The following PARVA variants were observed in gnomAD, a reference collection of about 807,000 sequenced individuals.
The protein encoded by PARVA is alpha-parvin.
Under a neutral mutation model 52.6 loss-of-function variants are expected in PARVA, and 25 were observed. That is an observed-to-expected ratio of 0.48 (90% CI 0.35 to 0.66). The LOEUF (loss-of-function observed/expected upper bound fraction) is 0.66. Ranked by LOEUF, PARVA falls within the 30% of genes least tolerant of loss-of-function variation. The pLI is 0.01. For missense variants in PARVA, 373 were observed against 450.9 expected, an observed-to-expected ratio of 0.83 and a Z score of 1.56; for synonymous variants, 185 against 179.1, an observed-to-expected ratio of 1.03 and a Z score of -0.26.
At chr11:12,391,589 T>C (rs888351809) in intron 1 of PARVA, among the ~76,000 whole-genome samples, 12 of 152,204 alleles carry the variant, frequency 7.9e-5, no homozygotes, top group Admixed American at 1.3e-4. Flanking sequence ...TTCACGTGAG[T>C]GTGGACGACA....
At chr11:12,471,495 T>C (rs548508357) in intron 1 of PARVA, among the ~76,000 whole-genome samples, 6 of 152,308 alleles carry the variant, frequency 3.9e-5, no homozygotes, top group African/African-American at 1.4e-4. Context: ...GAAAATGTGG[T>C]ACATATACAC....
chr11:12,452,877 G>A (rs1940643201), intron 1 of PARVA: 1 of 365,720 alleles, frequency 2.7e-6, no homozygotes, highest in Admixed American at 3.1e-5. Context: ...ATTCTCTTCG[G>A]GAAGCATTTG....
Position 12,518,499 on chromosome 11 carries a change from C to T in PARVA, c.1024C>T (p.Pro342Ser). The part of the protein sequence containing the change: ...ELMQDGGLEK[P>S]KPRPEDIVNC... ...CATGCAAGATGGAGGGTTGGAAAAG[C>T]CAAAACCGCGGCCAGAAGGTACTTT... Residue 342 changes from proline to serine, a missense_variant, in exon 12 of 13, where the codon CCA becomes TCA. Transcript: ENST00000334956. The T allele has an allele frequency of 1.2e-6, 2 of 1,613,438 alleles. No homozygotes were observed. Among genetic ancestry groups the T allele is most frequent in the Non-Finnish European group, 1.7e-6 (2 of 1,179,588 alleles).
chr11:12,503,056 G>A (rs1192280031), intron 5 of PARVA, among the ~76,000 whole-genome samples: 1 of 152,114 alleles, frequency 6.6e-6, no homozygotes, highest in Non-Finnish European at 1.5e-5. Context: ...CTACAACCCA[G>A]TGTGACCCTG....
At chr11:12,426,986 A>G (rs887890782) in intron 1 of PARVA, among the ~76,000 whole-genome samples, 24 of 152,218 alleles carry the variant, frequency 1.6e-4, no homozygotes, top group African/African-American at 4.8e-4. Flanking sequence ...TTGGACCAAA[A>G]AAAGGCTTTG....
intron 1 of PARVA, among the ~76,000 whole-genome samples, chr11:12,395,137 C>G (rs1939722554): frequency 6.7e-6 from 1 of 149,868 alleles, no homozygotes. Flanking sequence ...GAAGTTTTTA[C>G]ATGGGTTTTG....
chr11:12,415,040 C>T (rs1940045386), intron 1 of PARVA, among the ~76,000 whole-genome samples: 1 of 152,230 alleles, frequency 6.6e-6, no homozygotes, highest in Non-Finnish European at 1.5e-5. Flanking sequence ...CACTGGTGGG[C>T]TGGCTTAACC....
chr11:12,479,959 C>T (rs4274189), intron 4 of PARVA: 81,621 of 151,920 alleles, frequency 0.54, 22,783 homozygotes, highest in East Asian at 0.79. Context: ...CGCGGTGGCT[C>T]ATGCCTGTAA....
chr11:12,444,446 T>C (rs1025859762), intron 1 of PARVA, among the ~76,000 whole-genome samples: 1 of 151,902 alleles, frequency 6.6e-6, no homozygotes, highest in Non-Finnish European at 1.5e-5. Flanking sequence ...TCTTTGCTTT[T>C]CTTTTTTTTT....
At chr11:12,453,636 A>C (rs891309576) in intron 1 of PARVA, among the ~76,000 whole-genome samples, 2 of 152,212 alleles carry the variant, frequency 1.3e-5, no homozygotes, top group Non-Finnish European at 2.9e-5. Flanking sequence ...TGATGTGCAC[A>C]TAAGTTTTTG....
chr11:12,483,265 AT>A (rs1941112178), intron 4 of PARVA, among the ~76,000 whole-genome samples: 1 of 152,170 alleles, frequency 6.6e-6, no homozygotes. Flanking sequence ...CTGGCAGCAG[AT>A]CTTAGTTTAG....
intron 6 of PARVA, among the ~76,000 whole-genome samples, chr11:12,507,618 C>A (rs1156576283): frequency 1.3e-5 from 2 of 152,160 alleles, no homozygotes; most frequent in African/African-American, 4.8e-5. Context: ...CCAGGGCCCC[C>A]TCCCCTTGGA....
chr11:12,468,303 G>A (rs1360956475), intron 1 of PARVA, among the ~76,000 whole-genome samples: 2 of 152,172 alleles, frequency 1.3e-5, no homozygotes, highest in African/African-American at 2.4e-5. Context: ...ACTGCTTCAG[G>A]GGAGGCACCC....
chr11:12,528,174 G>C lies in PARVA; in HGVS notation c.*249G>C, dbSNP rs899987027. 40 of 507,528 alleles carry C rather than the reference G, an allele frequency of 7.9e-5. No homozygotes were observed. In the South Asian group the frequency reaches 1.1e-3, roughly 14 times the overall value. The allele number at this position is 507,528 out of a possible 1,614,324, so 31.4% of individuals were successfully genotyped here. On this transcript the variant is annotated 3_prime_UTR_variant, in exon 13 of 13. Coordinates refer to ENST00000334956, the MANE Select transcript of PARVA (RefSeq NM_018222.5). ...AGGTTGGGAAGGTTGTTCCCTTCCC[G>C]GTGCCAGGTCCAGATTTCCCTCCAT...
intron 1 of PARVA, among the ~76,000 whole-genome samples, chr11:12,465,096 C>A (rs1940836757): frequency 6.6e-6 from 1 of 152,206 alleles, no homozygotes; most frequent in African/African-American, 2.4e-5. Context: ...TGCTCAGCTC[C>A]TGCTGTACAG....
intron 4 of PARVA, among the ~76,000 whole-genome samples, chr11:12,492,847 A>ACG (rs1253822166): frequency 6.6e-6 from 1 of 151,984 alleles, no homozygotes; most frequent in Non-Finnish European, 1.5e-5. Context: ...ACACACACAC[A>ACG]CACAAGATGT....
At chr11:12,456,299 C>G (rs1940693407) in intron 1 of PARVA, among the ~76,000 whole-genome samples, 1 of 152,134 alleles carries the variant, frequency 6.6e-6, no homozygotes, top group African/African-American at 2.4e-5. Flanking sequence ...CATTATAAAC[C>G]TGTGAGCTAA....
chr11:12,460,460 G>C (rs143153247), intron 1 of PARVA, among the ~76,000 whole-genome samples: 1,909 of 152,248 alleles, frequency 0.013, 15 homozygotes, highest in Middle Eastern at 0.034. Context: ...CGATGCACCT[G>C]ATACAAGGGA....
intron 1 of PARVA, among the ~76,000 whole-genome samples, chr11:12,382,051 G>T (rs547832153): frequency 6.6e-6 from 1 of 152,206 alleles, no homozygotes. Flanking sequence ...AACTGTTCAC[G>T]TGGAGATGAT....
Sources: gnomAD v4.1 joint callset for allele counts (sites outside exome capture counted in the v4.1 genomes callset) on GRCh38, gnomAD v4.1.1 for gene constraint, MANE v1.5 for transcripts, NCBI Gene and HGNC (gene_info 2026-07-23, HGNC 2026-07-21) for gene names.